The following PLXNA4 variants were observed in gnomAD, a reference collection of about 807,000 sequenced individuals.
PLXNA4 encodes the protein plexin A4.
Under a neutral mutation model 191.8 loss-of-function variants are expected in PLXNA4, and 44 were observed. The observed-to-expected ratio is 0.23, with a 90% CI of 0.18 to 0.29. The LOEUF is 0.29. Among genes scored for constraint, PLXNA4 ranks in the 10% least tolerant of loss-of-function variants. PLXNA4 has a pLI of 1.00. For missense variants in PLXNA4, 1,800 were observed against 2,488.8 expected (o/e 0.72, Z 5.89); for synonymous variants, 1,082 against 1,009.5 (o/e 1.07, Z -1.36).
intron 3 of PLXNA4, among the ~76,000 whole-genome samples, chr7:132,404,782 G>T (rs1196115796): frequency 6.6e-6 from 1 of 152,150 alleles, no homozygotes; most frequent in Non-Finnish European, 1.5e-5. Flanking sequence ...TGCCAAGCTG[G>T]TGTAGGTTGT....
Position 132,288,936 on chromosome 7 carries a change from CT to C in PLXNA4, c.1503+9154del, listed in dbSNP as rs577646966. On this transcript the variant is annotated intron_variant, in intron 4 of 31. Coordinates refer to ENST00000321063, the MANE Select transcript of PLXNA4 (RefSeq NM_020911.2). Reference sequence around the variant, plus strand: ...GGCAGGGTGGAGACAGGGACAGACACTGAGGTGCAAAGAAATGGTAATGACT... The same window carrying C: ...GGCAGGGTGGAGACAGGGACAGACACGAGGTGCAAAGAAATGGTAATGACT... 2.3e-3 allele frequency among the ~76,000 whole-genome samples: 349 copies of C among 152,286 alleles called. 1 individual carries two copies. Among genetic ancestry groups the C allele is most frequent in the Non-Finnish European group, 2.9e-3 (197 of 68,018 alleles).
At chr7:132,223,449 C>T (rs1388769125) in intron 9 of PLXNA4, 78 bp downstream of exon 9, 1 of 1,274,374 alleles carries the variant, frequency 7.8e-7, no homozygotes, top group Non-Finnish European at 1.1e-6. Flanking sequence ...TTGGTTTCTC[C>T]TCTTAAGGGA....
intron 3 of PLXNA4, among the ~76,000 whole-genome samples, chr7:132,476,605 G>C (rs778242922): frequency 2.0e-5 from 3 of 152,194 alleles, no homozygotes; most frequent in Non-Finnish European, 2.9e-5. Flanking sequence ...CTTGTCCTGA[G>C]AAATGGAATT....
rs1805003594 is a variant in PLXNA4 at position 132,383,909 on chromosome 7, A to G, written c.1372-85687T>C. On this transcript the variant is annotated intron_variant, in intron 3 of 31. Transcript: ENST00000321063. Reference sequence around the variant, plus strand: ...GCACACAGAGCCAGTTTCACATGGAACTCCTGGGACGTATTTCTGAACAAC... The same window carrying G: ...GCACACAGAGCCAGTTTCACATGGAGCTCCTGGGACGTATTTCTGAACAAC... The G allele has an allele frequency of 4.1e-6, 4 of 985,220 alleles. 1 individual carries two copies. The South Asian group carries it at 1.9e-4, about 46-fold the overall frequency. The allele number at this position is 985,220 out of a possible 1,614,324, so 61.0% of individuals were successfully genotyped here.
chr7:132,632,538 T>C lies in PLXNA4; in HGVS notation c.-87+13390A>G, dbSNP rs541095429. 2.2e-4 allele frequency among the ~76,000 whole-genome samples: 33 copies of C among 152,290 alleles called. 1 individual carries two copies. The South Asian group carries it at 6.4e-3, about 30-fold the overall frequency. ...CAGAGTTAGGCTCTTACTCATTATC[T>C]ACCTCCCGGGATAGAAATGTAGCAT... On this transcript the variant is annotated intron_variant, in intron 2 of 4. Coordinates refer to the PLXNA4 transcript ENST00000378539.
intron 2 of PLXNA4, among the ~76,000 whole-genome samples, chr7:132,622,736 A>T (rs1298741046): frequency 6.6e-6 from 1 of 152,140 alleles, no homozygotes; most frequent in African/African-American, 2.4e-5. Context: ...TACTGCAGAG[A>T]GTCTAGATGC....
intron 3 of PLXNA4, among the ~76,000 whole-genome samples, chr7:132,410,085 T>G (rs1003934630): frequency 3.1e-4 from 47 of 152,192 alleles, no homozygotes; most frequent in African/African-American, 1.1e-3. Context: ...TAAGGAGGAA[T>G]TTAGGCTTGG....
intron 3 of PLXNA4, among the ~76,000 whole-genome samples, chr7:132,334,667 A>G (rs1802745295): frequency 1.3e-5 from 2 of 152,180 alleles, no homozygotes; most frequent in Non-Finnish European, 2.9e-5. Flanking sequence ...GGCCAGAATC[A>G]GGACGGAACT....
At chr7:132,540,319 C>T (rs895652114) in intron 1 of PLXNA4, among the ~76,000 whole-genome samples, 25 of 152,134 alleles carry the variant, frequency 1.6e-4, no homozygotes, top group African/African-American at 5.8e-4. Context: ...GTTGCGAGGG[C>T]CAGCTCTCAC....
chr7:132,124,945 A>G lies in PLXNA4; in HGVS notation c.*5534T>C, dbSNP rs1370822668. 6.6e-6 allele frequency: 1 copy of G among 152,080 alleles called. No individual in the cohort carries two copies. The highest frequency in any genetic ancestry group is 1.5e-5 in the Non-Finnish European group (1 of 68,034). The allele number at this position is 152,080 out of a possible 1,614,324, so 9.4% of individuals were successfully genotyped here. On this transcript the variant is annotated 3_prime_UTR_variant, in exon 32 of 32. Coordinates refer to ENST00000321063, the MANE Select transcript of PLXNA4 (RefSeq NM_020911.2). ...TTAATCGGGATCCTAATGAGTATGT[A>G]TTTCTCTTACAACCAAAAAATTCTA...
At chr7:132,301,231 AC>A (rs1380591153) in intron 3 of PLXNA4, among the ~76,000 whole-genome samples, 1 of 152,210 alleles carries the variant, frequency 6.6e-6, no homozygotes, top group Non-Finnish European at 1.5e-5. Flanking sequence ...AAAAATTCAC[AC>A]AAGACATGGA....
chr7:132,371,253 G>T (rs1219412732), intron 3 of PLXNA4, among the ~76,000 whole-genome samples: 2 of 152,140 alleles, frequency 1.3e-5, no homozygotes, highest in African/African-American at 2.4e-5. Flanking sequence ...ACAGAGAAAA[G>T]AATATGGGAA....
intron 9 of PLXNA4, among the ~76,000 whole-genome samples, chr7:132,221,501 G>A (rs1182436128): frequency 1.3e-5 from 2 of 152,170 alleles, no homozygotes; most frequent in Non-Finnish European, 2.9e-5. Context: ...CCCAGCCTTG[G>A]TAGGTCAACC....
intron 2 of PLXNA4, among the ~76,000 whole-genome samples, chr7:132,597,855 C>CTG (rs1369482917): frequency 1.9e-5 from 1 of 51,950 alleles, no homozygotes; most frequent in Non-Finnish European, 6.5e-5. Context: ...CTCTCTCTCT[C>CTG]TCTCTATATA....
chr7:132,341,940 T>G (rs1161103621), intron 3 of PLXNA4, among the ~76,000 whole-genome samples: 1 of 152,106 alleles, frequency 6.6e-6, no homozygotes, highest in African/African-American at 2.4e-5. Context: ...TACAGGCTAG[T>G]GACTTAGTCA....
intron 3 of PLXNA4, chr7:132,384,340 A>G (rs1805025897): frequency 1.0e-6 from 1 of 985,156 alleles, no homozygotes; most frequent in Non-Finnish European, 1.2e-6. Context: ...ACTACACTTT[A>G]TTTCCCAGTA....
chr7:132,140,882 C>G, intron 29 of PLXNA4, 71 bp from the exon 30 acceptor site: 1 of 1,576,062 alleles, frequency 6.3e-7, no homozygotes, highest in East Asian at 2.2e-5. Flanking sequence ...TAGGAGGGGT[C>G]TCTGGAGAAG....
At chr7:132,326,321 C>A (rs539682158) in intron 3 of PLXNA4, among the ~76,000 whole-genome samples, 4 of 152,188 alleles carry the variant, frequency 2.6e-5, no homozygotes, top group Non-Finnish European at 5.9e-5. Context: ...TCCTATGAGA[C>A]AATTCTTTAC....
intron 2 of PLXNA4, among the ~76,000 whole-genome samples, chr7:132,583,205 G>A (rs575759921): frequency 6.6e-6 from 1 of 152,290 alleles, no homozygotes; most frequent in South Asian, 2.1e-4. Flanking sequence ...GCCTTTTGGA[G>A]GTGAGGTTGA....
Sources: allele counts gnomAD v4.1 joint callset (sites outside exome capture counted in the v4.1 genomes callset), GRCh38; gene constraint gnomAD v4.1.1; transcripts MANE v1.5; gene names NCBI Gene and HGNC (gene_info 2026-07-23, HGNC 2026-07-21).